The following MOV10L1 variants were observed in gnomAD, a reference collection of about 807,000 sequenced individuals.
The protein encoded by MOV10L1 is Mov10 like RNA helicase 1.
Under a neutral mutation model 143.8 loss-of-function variants are expected in MOV10L1, and 110 were observed. The ratio of observed to expected loss-of-function variants is 0.76; its 90% CI spans 0.66 to 0.90. The LOEUF (loss-of-function observed/expected upper bound fraction) is 0.90. Ranked by LOEUF, MOV10L1 falls within the 40% of genes least tolerant of loss-of-function variation. MOV10L1 has a pLI of 0.00. For missense variants in MOV10L1, 1,406 were observed against 1,526.8 expected, an observed-to-expected ratio of 0.92 and a Z score of 1.32; for synonymous variants, 593 against 581.1, an observed-to-expected ratio of 1.02 and a Z score of -0.29.
At chr22:50,093,626 A>T (rs1400445669) in intron 2 of MOV10L1, 1 of 152,132 alleles carries the variant, frequency 6.6e-6, no homozygotes, top group Non-Finnish European at 1.5e-5. Context: ...CTTCCACCTC[A>T]GCCTCCTGAG....
chr22:50,135,425 T>C (rs2062797691), intron 15 of MOV10L1, among the ~76,000 whole-genome samples: 1 of 152,130 alleles, frequency 6.6e-6, no homozygotes, highest in South Asian at 2.1e-4. Context: ...TTGTTAACAT[T>C]TGCAAACTTT....
intron 11 of MOV10L1, 82 bp downstream of exon 11, chr22:50,125,651 A>AT: frequency 5.2e-6 from 7 of 1,349,786 alleles, no homozygotes; most frequent in Non-Finnish European, 7.1e-6. Flanking sequence ...AACTGGCAAT[A>AT]TGACAGTCAC....
At chr22:50,100,577 G>A (rs187120165) in intron 3 of MOV10L1, among the ~76,000 whole-genome samples, 2 of 151,800 alleles carry the variant, frequency 1.3e-5, no homozygotes, top group East Asian at 3.9e-4. Context: ...GCAGTGGCAC[G>A]ATCTCAGCTT....
At chr22:50,127,636 T>C (rs2062548931) in intron 12 of MOV10L1, among the ~76,000 whole-genome samples, 1 of 152,230 alleles carries the variant, frequency 6.6e-6, no homozygotes, top group Admixed American at 6.5e-5. Context: ...GAGCTTGAGC[T>C]CCTTTTCAGA....
At chr22:50,155,918 G>A (rs1373429339) in intron 22 of MOV10L1, among the ~76,000 whole-genome samples, 2 of 152,240 alleles carry the variant, frequency 1.3e-5, no homozygotes, top group South Asian at 2.1e-4. Flanking sequence ...GGTCATGGTG[G>A]TGCACACTTG....
chr22:50,126,225 C>T lies in MOV10L1; in HGVS notation c.1771C>T (p.Gln591Ter), dbSNP rs768460395. The T allele has an allele frequency of 1.2e-6, 2 of 1,611,140 alleles. No homozygotes were observed. The highest frequency in any genetic ancestry group is 1.7e-6 in the Non-Finnish European group (2 of 1,177,552). The change falls in exon 12 of 27, where the codon CAA becomes TAA. Residue 591 changes from glutamine (Q) to a stop codon, truncating the protein, a stop_gained. Coordinates refer to ENST00000262794, the MANE Select transcript of MOV10L1 (RefSeq NM_018995.3). LOFTEE classifies it high-confidence loss of function. Reference protein sequence around the residue: ...YAGDKLILKTQEYNGHAIEYI... With the variant: ...YAGDKLILKT ...AGGTGATAAACTGATTTTAAAAACT[C>T]AAGAGTACAATGGACATGCCATCGA...
intron 2 of MOV10L1, chr22:50,096,480 T>G (rs4838823): frequency 0.23 from 34,290 of 152,174 alleles, 4,210 homozygotes; most frequent in Admixed American, 0.35. Flanking sequence ...TTCAGTTCTT[T>G]TGGGGCTACG....
intron 6 of MOV10L1, 108 bp from the exon 7 acceptor site, chr22:50,114,273 G>C: frequency 3.1e-6 from 4 of 1,307,340 alleles, no homozygotes; most frequent in Non-Finnish European, 4.2e-6. Context: ...ATATTCATAA[G>C]TGTATTTGCA....
intron 12 of MOV10L1, among the ~76,000 whole-genome samples, chr22:50,126,818 T>C (rs971231386): frequency 6.6e-6 from 1 of 152,044 alleles, no homozygotes; most frequent in African/African-American, 2.4e-5. Context: ...TGTAGAAAAC[T>C]TGAAGGGAGA....
At position 50,134,477 on chromosome 22, in the gene MOV10L1, T is replaced by C. The variant is rs1008842807; in HGVS notation, c.1970-53T>C. On this transcript the variant is annotated intron_variant, in intron 14 of 26. Transcript: ENST00000262794. The stretch of plus-strand genomic sequence containing the variant: ...CAGCCATAAACAACCTCTATTAATA[T>C]TTTTTTAGCTTTTTAGTTATACCCG... The C allele has an allele frequency of 8.9e-5, 131 of 1,464,528 alleles. No individual in the cohort carries two copies. In the Middle Eastern group the frequency reaches 1.0e-3, roughly 12 times the overall value. The allele number at this position is 1,464,528 out of a possible 1,614,324, so 90.7% of individuals were successfully genotyped here.
chr22:50,111,104 A>C (rs1289735156), intron 5 of MOV10L1, among the ~76,000 whole-genome samples: 1 of 152,140 alleles, frequency 6.6e-6, no homozygotes, highest in African/African-American at 2.4e-5. Flanking sequence ...GTCTCAATCA[A>C]GTTAGAAGTT....
intron 3 of MOV10L1, among the ~76,000 whole-genome samples, chr22:50,102,115 TA>T (rs1266254016): frequency 6.6e-6 from 1 of 152,168 alleles, no homozygotes; most frequent in Non-Finnish European, 1.5e-5. Context: ...TTTCCCAGTA[TA>T]AAAAACCTCA....
rs936476330 is a variant in MOV10L1, at chr22:50,130,718, C to T, written c.1910+2211C>T. Among the ~76,000 whole-genome samples the T allele has an allele frequency of 5.9e-5, 9 of 152,188 alleles. No homozygotes were observed. The East Asian group carries it at 1.4e-3, about 23-fold the overall frequency. On this transcript the variant is annotated intron_variant, in intron 13 of 26. Coordinates refer to ENST00000262794, the MANE Select transcript of MOV10L1 (RefSeq NM_018995.3). ...TGGCTGGGACCACAGGGAGCAGCAG[C>T]GCTGGTAGAAGGCACACAGCCTCCA...
At chr22:50,111,145 A>C (rs1029492918) in intron 5 of MOV10L1, among the ~76,000 whole-genome samples, 3 of 152,170 alleles carry the variant, frequency 2.0e-5, no homozygotes, top group African/African-American at 4.8e-5. Context: ...CATGCCTGGG[A>C]AAAAGGACCA....
chr22:50,130,049 G>T (rs776787282), intron 13 of MOV10L1, among the ~76,000 whole-genome samples: 1 of 152,126 alleles, frequency 6.6e-6, no homozygotes, highest in Non-Finnish European at 1.5e-5. Flanking sequence ...GCCAAGGCAG[G>T]TGGATCTCTT....
chr22:50,118,493 G>C (rs1321329067), intron 9 of MOV10L1, among the ~76,000 whole-genome samples: 2 of 152,162 alleles, frequency 1.3e-5, no homozygotes, highest in Admixed American at 1.3e-4. Flanking sequence ...CTACGACAGT[G>C]GGTTTCTGAG....
intron 12 of MOV10L1, among the ~76,000 whole-genome samples, chr22:50,128,145 G>A (rs2062565821): frequency 6.6e-6 from 1 of 152,192 alleles, no homozygotes; most frequent in South Asian, 2.1e-4. Flanking sequence ...TGTGTCCTAT[G>A]GAGTCAGTGA....
At chr22:50,127,443 A>G (rs1050499831) in intron 12 of MOV10L1, among the ~76,000 whole-genome samples, 1 of 152,232 alleles carries the variant, frequency 6.6e-6, no homozygotes, top group African/African-American at 2.4e-5. Flanking sequence ...GTGTATAGTC[A>G]GGACTTGGTC....
rs538549016 is a variant in MOV10L1, at chr22:50,154,942, TTTTTATATTTAATCCA to T, written c.3066+1729_3066+1744del. ...GTTGTATTTCTTAGGAGCAGCTAGG[TTTTTATATTTAATCCA>T]TTTTGGGAGTCAGTTTGCTTTTAGT... On this transcript the variant is annotated intron_variant, in intron 22 of 26. Coordinates refer to ENST00000262794, the MANE Select transcript of MOV10L1 (RefSeq NM_018995.3). Among the ~76,000 whole-genome samples, 320 of 152,278 alleles carry T rather than the reference TTTTTATATTTAATCCA, an allele frequency of 2.1e-3. 2 individuals carry two copies. The highest frequency in any genetic ancestry group is 7.6e-3 in the African/African-American group (315 of 41,546).
Sources: allele counts gnomAD v4.1 joint callset (sites outside exome capture counted in the v4.1 genomes callset), GRCh38; gene constraint gnomAD v4.1.1; transcripts MANE v1.5; gene names NCBI Gene and HGNC (gene_info 2026-07-23, HGNC 2026-07-21).